Variants in SLC60A1 observed in about 807,000 individuals in gnomAD.
The protein encoded by SLC60A1 is solute carrier family 60 member 1, also known as major facilitator superfamily domain containing 4.
chr1:205,570,446 G>A, the SLC60A1 span, among the ~76,000 whole-genome samples: 1 of 152,246 alleles, frequency 6.6e-6, no homozygotes, highest in African/African-American at 2.4e-5. Context: ...CTGTGGTCAT[G>A]CCCTTTGGCT....
At chr1:205,575,066 C>T in the SLC60A1 span, among the ~76,000 whole-genome samples, 1 of 152,168 alleles carries the variant, frequency 6.6e-6, no homozygotes, top group African/African-American at 2.4e-5. Context: ...TCTCAGCTGC[C>T]CCTTCCCCAT....
the SLC60A1 span, chr1:205,584,068 G>C: frequency 6.2e-7 from 1 of 1,614,072 alleles, no homozygotes; most frequent in South Asian, 1.1e-5. Flanking sequence ...TGGAGACACA[G>C]CCTCCTGAGA....
chr1:205,593,713 T>C, the SLC60A1 span, among the ~76,000 whole-genome samples: 2 of 152,204 alleles, frequency 1.3e-5, no homozygotes, highest in Non-Finnish European at 2.9e-5. Flanking sequence ...ATAAGTCGTA[T>C]GTGCTCACTG....
chr1:205,579,377 A>G, the SLC60A1 span, among the ~76,000 whole-genome samples: 8 of 152,204 alleles, frequency 5.3e-5, no homozygotes. Flanking sequence ...CTGCGGTTGC[A>G]TGCCTATGAC....
At chr1:205,584,564 AAAG>A in the SLC60A1 span, among the ~76,000 whole-genome samples, 134 of 140,362 alleles carry the variant, frequency 9.5e-4, 1 homozygote, top group South Asian at 9.3e-3. Flanking sequence ...AAAAAAAAAA[AAAG>A]AAAATCTTGG....
the SLC60A1 span, among the ~76,000 whole-genome samples, chr1:205,578,318 AAGAG>A: frequency 6.6e-6 from 1 of 152,152 alleles, no homozygotes; most frequent in Non-Finnish European, 1.5e-5. Context: ...AGGGAGGGGA[AAGAG>A]AGAGAACTAT....
At chr1:205,583,489 T>G in the SLC60A1 span, among the ~76,000 whole-genome samples, 1 of 152,202 alleles carries the variant, frequency 6.6e-6, no homozygotes, top group African/African-American at 2.4e-5. Flanking sequence ...TCTCAGTCTC[T>G]AGTTTACCCC....
the SLC60A1 span, among the ~76,000 whole-genome samples, chr1:205,596,629 G>A: frequency 6.6e-6 from 1 of 150,908 alleles, no homozygotes; most frequent in East Asian, 2.0e-4. Flanking sequence ...GTTCAGTGGG[G>A]AGTGAAGATG....
the SLC60A1 span, among the ~76,000 whole-genome samples, chr1:205,579,231 G>A: frequency 2.6e-5 from 4 of 152,190 alleles, no homozygotes; most frequent in Non-Finnish European, 4.4e-5. Context: ...GTCTCAGGCC[G>A]GGTGCCTGTG....
At chr1:205,594,816 C>CAA in the SLC60A1 span, among the ~76,000 whole-genome samples, 9 of 152,150 alleles carry the variant, frequency 5.9e-5, 1 homozygote, top group Admixed American at 5.9e-4. Flanking sequence ...TCACCTCCAT[C>CAA]CCTTCTTTGA....
the SLC60A1 span, among the ~76,000 whole-genome samples, chr1:205,570,117 GC>G: frequency 6.6e-6 from 1 of 152,082 alleles, no homozygotes; most frequent in Admixed American, 6.5e-5. Context: ...ACTCTCCCTG[GC>G]ACCACCCCCA....
the SLC60A1 span, among the ~76,000 whole-genome samples, chr1:205,570,351 T>C: frequency 2.0e-5 from 3 of 152,214 alleles, no homozygotes; most frequent in African/African-American, 7.2e-5. Context: ...CTAGATCCCA[T>C]GGACTCAGTC....
chr1:205,583,978 G>A, the SLC60A1 span: 3 of 1,613,770 alleles, frequency 1.9e-6, no homozygotes, highest in Non-Finnish European at 2.5e-6. Context: ...TGGCTGTGCT[G>A]ATGCTGCTGT....
At chr1:205,572,858 A>G in the SLC60A1 span, among the ~76,000 whole-genome samples, 1 of 152,246 alleles carries the variant, frequency 6.6e-6, no homozygotes, top group African/African-American at 2.4e-5. Context: ...TTGAAAATGT[A>G]TGTCCACACA....
At chr1:205,600,527 A>G in the SLC60A1 span, 1 of 1,551,450 alleles carries the variant, frequency 6.4e-7, no homozygotes, top group Admixed American at 1.7e-5. Context: ...ATACTGTTTC[A>G]GAAAGCTGGG....
the SLC60A1 span, chr1:205,592,368 C>CTT: frequency 2.0e-4 from 79 of 404,968 alleles, no homozygotes; most frequent in Middle Eastern, 1.0e-3. Context: ...TCTCTGTGCT[C>CTT]TTTTTTTTTT....
At chr1:205,570,616 G>A in the SLC60A1 span, among the ~76,000 whole-genome samples, 13 of 152,288 alleles carry the variant, frequency 8.5e-5, no homozygotes, top group South Asian at 2.7e-3. Flanking sequence ...AAATCTTCTT[G>A]TAAACCAAAT....
chr1:205,576,676 G>A, the SLC60A1 span, among the ~76,000 whole-genome samples: 7 of 152,182 alleles, frequency 4.6e-5, no homozygotes, highest in Admixed American at 4.6e-4. Context: ...ATGTATTTCG[G>A]TCTGGCTCTG....
At chr1:205,575,623 G>A in the SLC60A1 span, among the ~76,000 whole-genome samples, 543 of 152,250 alleles carry the variant, frequency 3.6e-3, 2 homozygotes, top group African/African-American at 0.012. Flanking sequence ...GGGGCTGAAG[G>A]GGGCAGCAGC....
Sources: allele counts gnomAD v4.1 joint callset (sites outside exome capture counted in the v4.1 genomes callset), GRCh38; gene constraint gnomAD v4.1.1; transcripts MANE v1.5; gene names NCBI Gene and HGNC (gene_info 2026-07-23, HGNC 2026-07-21).